ODR4: variants seen among roughly 807,000 people sequenced by gnomAD.
ODR4 encodes odr-4 GPCR localization factor homolog.
Under a neutral mutation model 60.2 loss-of-function variants are expected in ODR4, and 47 were observed. The observed-to-expected ratio is 0.78, with a 90% CI of 0.62 to 1.00. The LOEUF (loss-of-function observed/expected upper bound fraction) is 1.00. Among genes scored for constraint, ODR4 ranks in the 50% least tolerant of loss-of-function variants. ODR4 has a pLI of 0.00. For missense variants in ODR4, 488 were observed against 530.8 expected, an observed-to-expected ratio of 0.92 and a Z score of 0.79; for synonymous variants, 178 against 175.5, an observed-to-expected ratio of 1.01 and a Z score of -0.11.
chr1:186,399,245 C>G, intron 11 of ODR4: 1 of 564,992 alleles, frequency 1.8e-6, no homozygotes, highest in Non-Finnish European at 3.3e-6. Context: ...CACTGTGTTG[C>G]CCAGGCTGGG....
At chr1:186,401,535 CTCTT>C (rs750056785) in intron 11 of ODR4, 158 of 170,500 alleles carry the variant, frequency 9.3e-4, no homozygotes, top group Middle Eastern at 5.2e-3. Context: ...CTTCCTTCCT[CTCTT>C]TCTCTTTCTT....
At chr1:186,433,753 G>T in the ODR4 span, among the ~76,000 whole-genome samples, 3 of 151,970 alleles carry the variant, frequency 2.0e-5, no homozygotes, top group Non-Finnish European at 2.9e-5. Context: ...GCTAATTTTT[G>T]TATTTTCAGT....
intron 6 of ODR4, among the ~76,000 whole-genome samples, chr1:186,389,943 G>C (rs1176412296): frequency 6.6e-6 from 1 of 152,010 alleles, no homozygotes; most frequent in Non-Finnish European, 1.5e-5. Flanking sequence ...GTGCACCACT[G>C]CACCTGGCTA....
intron 9 of ODR4, among the ~76,000 whole-genome samples, chr1:186,397,187 A>T (rs980856255): frequency 2.6e-5 from 4 of 152,176 alleles, no homozygotes; most frequent in Non-Finnish European, 5.9e-5. Context: ...TACACTAGAC[A>T]TCAATAATGC....
At chr1:186,434,071 T>C in the ODR4 span, among the ~76,000 whole-genome samples, 405 of 152,282 alleles carry the variant, frequency 2.7e-3, 4 homozygotes, top group African/African-American at 9.4e-3. Flanking sequence ...GACATTTTAT[T>C]AGCCATATAT....
rs1388992467 is a variant in ODR4 at position 186,420,604 on chromosome 1, A to G, written c.*1528A>G. The G allele has an allele frequency of 6.6e-6, 1 of 152,194 alleles. No individual in the cohort carries two copies. The highest frequency in any genetic ancestry group is 1.5e-5 in the Non-Finnish European group (1 of 68,024). The allele number at this position is 152,194 out of a possible 1,614,324, so 9.4% of individuals were successfully genotyped here. ...AATAGAGCTCCTAAAAATGAGAAAT[A>G]TTTATTGAAATAAGAAAAAAGCCCT... On this transcript the variant is annotated 3_prime_UTR_variant, in exon 14 of 14. Transcript: ENST00000287859.
intron 11 of ODR4, among the ~76,000 whole-genome samples, chr1:186,403,315 T>C (rs1661057280): frequency 1.3e-5 from 2 of 152,054 alleles, no homozygotes; most frequent in Non-Finnish European, 2.9e-5. Context: ...ATGAGATGTT[T>C]TGTTACAATC....
At chr1:186,388,318 A>G (rs1660327291) in intron 4 of ODR4, 124 bp from the exon 5 acceptor site, 3 of 572,964 alleles carry the variant, frequency 5.2e-6, no homozygotes, top group Middle Eastern at 4.8e-4. Flanking sequence ...CCCTTCTCCA[A>G]TAAATAAAGA....
In ODR4 at chr1:186,375,993, A is replaced by AGTGT. The variant is rs113247382; in HGVS notation, c.-20+45_-20+48dup. On this transcript the variant is annotated intron_variant, in intron 1 of 13. Coordinates refer to ENST00000287859, the MANE Select transcript of ODR4 (RefSeq NM_017847.6). ...AAAACAGGTAAGTCAGCCTAAGTGT[A>AGTGT]GTGTGTGTGTGTGTGTGTGTGTGTG... 18,467 of 158,244 alleles carry AGTGT rather than the reference A, an allele frequency of 0.12. 1,228 individuals are homozygous for AGTGT. Among genetic ancestry groups the AGTGT allele is most frequent in the East Asian group, 0.25 (1,342 of 5,436 alleles). The allele number at this position is 158,244 out of a possible 1,614,324, so 9.8% of individuals were successfully genotyped here. A position where few individuals can be genotyped will look rare whatever the true frequency, so the allele number is the denominator to read the frequency against.
At chr1:186,401,316 CT>C in intron 11 of ODR4, 1 of 758,704 alleles carries the variant, frequency 1.3e-6, no homozygotes, top group South Asian at 1.9e-5. Flanking sequence ...AAAGTTTTTA[CT>C]GGCAATTGGG....
At chr1:186,398,582 C>A in intron 10 of ODR4, 141 bp downstream of exon 10, 1 of 820,592 alleles carries the variant, frequency 1.2e-6, no homozygotes, top group Non-Finnish European at 1.8e-6. Flanking sequence ...CCAAATGTAC[C>A]ATATAATTGG....
chr1:186,419,126 T>G lies in ODR4; in HGVS notation c.*50T>G. On this transcript the variant is annotated 3_prime_UTR_variant, in exon 14 of 14. Coordinates refer to ENST00000287859, the MANE Select transcript of ODR4 (RefSeq NM_017847.6). Reference sequence around the variant, plus strand: ...TCATCCAGAGAACATTGACAGACAATTATGAATAATAAAGATGTTAACAAT... The same window carrying G: ...TCATCCAGAGAACATTGACAGACAAGTATGAATAATAAAGATGTTAACAAT... 1 of 1,441,808 alleles carries G rather than the reference T, an allele frequency of 6.9e-7. No individual in the cohort carries two copies. Among genetic ancestry groups the G allele is most frequent in the South Asian group, 1.2e-5 (1 of 83,792 alleles). 89.3% of individuals were successfully genotyped at this position (1,441,808 alleles called of 1,614,324 possible).
chr1:186,430,218 T>A, the ODR4 span, among the ~76,000 whole-genome samples: 1 of 152,106 alleles, frequency 6.6e-6, no homozygotes, highest in African/African-American at 2.4e-5. Flanking sequence ...GTAGATTATT[T>A]CTTCTTTTTT....
chr1:186,384,420 C>CGT (rs1342500307), intron 3 of ODR4, among the ~76,000 whole-genome samples: 1 of 152,122 alleles, frequency 6.6e-6, no homozygotes, highest in East Asian at 1.9e-4. Flanking sequence ...TTAGGCCCCA[C>CGT]TTGGGTTCAC....
Position 186,412,069 on chromosome 1 carries a change from A to G in ODR4, c.1187-5475A>G, listed in dbSNP as rs146865615. On this transcript the variant is annotated intron_variant, in intron 12 of 13. Transcript: ENST00000287859. ...TCTCAAGTGAGTGACTGAGTGAGTGAGTGATGTCTGTTCTTGGCTGCCTAT... is the reference window on the plus strand; with the variant it reads ...TCTCAAGTGAGTGACTGAGTGAGTGGGTGATGTCTGTTCTTGGCTGCCTAT... Among the ~76,000 whole-genome samples the G allele has an allele frequency of 3.3e-3, 499 of 152,256 alleles. 1 individual carries two copies. Among genetic ancestry groups the G allele is most frequent in the African/African-American group, 0.011 (471 of 41,548 alleles).
Position 186,407,817 on chromosome 1 carries a change from G to A in ODR4, c.1186+1549G>A, listed in dbSNP as rs148217476. Among the ~76,000 whole-genome samples, 387 of 151,998 alleles carry A rather than the reference G, an allele frequency of 2.5e-3. 1 individual carries two copies. Among genetic ancestry groups the A allele is most frequent in the African/African-American group, 8.7e-3 (360 of 41,478 alleles). ...TTTCTTACCACCTTGTTTGCTTTCC[G>A]GTAGATTAGGAATTTTTAACCTGTG... is the stretch of plus-strand genomic sequence containing the variant. On this transcript the variant is annotated intron_variant, in intron 12 of 13. Transcript: ENST00000287859.
In ODR4 at chr1:186,393,937, G is replaced by GT. The variant is rs777417627; in HGVS notation, c.712-4dup. ...CACAGTTTGGCTTTTTAACTTTTGT[G>GT]TTTTTTCAGAAAAAATCTTCTAGAG... On this transcript the variant is annotated splice_polypyrimidine_tract_variant and intron_variant, in intron 8 of 13. Transcript: ENST00000287859. 2.0e-5 allele frequency: 29 copies of GT among 1,483,980 alleles called. No homozygotes were observed. The South Asian group carries it at 3.3e-4, about 17-fold the overall frequency. The allele number at this position is 1,483,980 out of a possible 1,614,324, so 91.9% of individuals were successfully genotyped here. A position where few individuals can be genotyped will look rare whatever the true frequency, so the allele number is the denominator to read the frequency against.
Position 186,379,812 on chromosome 1 carries a change from G to T in ODR4, c.27G>T (p.Glu9Asp). Residue 9 changes from glutamate (E) to aspartate (D), a missense_variant, in exon 2 of 14, where the codon GAG becomes GAT. Physicochemically the swap from Glu to Asp is conservative, Grantham distance 45 (BLOSUM62 2). Transcript: ENST00000287859. The part of the protein sequence containing the change: MGRTYIVE[E>D]TVGQYLSNIN... The stretch of plus-strand genomic sequence containing the variant: ...TGGGAAGAACCTACATTGTAGAAGA[G>T]ACTGTTGGCCAGTATCTTTCAAACA... 9.3e-6 allele frequency: 15 copies of T among 1,605,350 alleles called. No homozygotes were observed. The highest frequency in any genetic ancestry group is 1.3e-5 in the Non-Finnish European group (15 of 1,176,920).
At chr1:186,428,533 A>C in the ODR4 span, among the ~76,000 whole-genome samples, 1 of 152,148 alleles carries the variant, frequency 6.6e-6, no homozygotes, top group South Asian at 2.1e-4. Context: ...TATTTCACTT[A>C]TTCATATGTT....
Sources: allele counts gnomAD v4.1 joint callset (sites outside exome capture counted in the v4.1 genomes callset), GRCh38; gene constraint gnomAD v4.1.1; transcripts MANE v1.5; gene names NCBI Gene and HGNC (gene_info 2026-07-23, HGNC 2026-07-21).